PDE10A: variants seen among roughly 807,000 people sequenced by gnomAD.
PDE10A encodes phosphodiesterase 10A.
A neutral mutation model predicts 97.7 loss-of-function variants in PDE10A; 39 were observed. The ratio of observed to expected loss-of-function variants is 0.40; its 90% CI spans 0.31 to 0.52. PDE10A has a LOEUF of 0.52. PDE10A is among the 20% of genes least tolerant of loss of function. The pLI is 0.56. For synonymous variants in PDE10A, 371 were observed against 376.8 expected (o/e 0.98, Z 0.18); for missense variants, 731 against 1,047.8 (o/e 0.70, Z 4.17).
chr6:165,420,173 T>A (rs1788595737), intron 10 of PDE10A, among the ~76,000 whole-genome samples: 1 of 152,142 alleles, frequency 6.6e-6, no homozygotes, highest in African/African-American at 2.4e-5. Flanking sequence ...CCAGCGAAAT[T>A]TTGTGGTCCA....
chr6:165,795,179 C>G (rs187948253), intron 1 of PDE10A, among the ~76,000 whole-genome samples: 26 of 152,332 alleles, frequency 1.7e-4, no homozygotes, highest in Middle Eastern at 6.8e-3. Flanking sequence ...GAACAAGCAT[C>G]ACCTCTGGAG....
At chr6:165,880,503 G>A (rs1781444539) in intron 1 of PDE10A, among the ~76,000 whole-genome samples, 1 of 152,182 alleles carries the variant, frequency 6.6e-6, no homozygotes, top group South Asian at 2.1e-4. Flanking sequence ...TGGATGCAGA[G>A]AAGTGTCTTC....
chr6:165,940,798 GAA>G (rs934928380), intron 1 of PDE10A: 4 of 152,224 alleles, frequency 2.6e-5, no homozygotes, highest in African/African-American at 9.6e-5. Context: ...TTAGTTGTGG[GAA>G]ATGAACCAAT....
At chr6:165,732,830 G>C (rs533541517) in intron 1 of PDE10A, among the ~76,000 whole-genome samples, 1 of 152,316 alleles carries the variant, frequency 6.6e-6, no homozygotes, top group East Asian at 1.9e-4. Context: ...TCTCCCCAGG[G>C]CTTCTCAGCC....
chr6:165,393,184 C>A (rs1274400168), intron 15 of PDE10A, among the ~76,000 whole-genome samples: 1 of 152,058 alleles, frequency 6.6e-6, no homozygotes, highest in African/African-American at 2.4e-5. Flanking sequence ...GTATTTTGAG[C>A]TAATATTTTC....
chr6:165,390,041 T>A (rs1461887691), intron 16 of PDE10A, among the ~76,000 whole-genome samples: 2 of 152,198 alleles, frequency 1.3e-5, no homozygotes, highest in African/African-American at 4.8e-5. Context: ...TGACTCAATG[T>A]GTTAGTAACA....
intron 1 of PDE10A, among the ~76,000 whole-genome samples, chr6:165,581,716 T>G (rs185596731): frequency 1.1e-4 from 16 of 152,356 alleles, no homozygotes; most frequent in African/African-American, 3.8e-4. Context: ...ATTTGAGAAT[T>G]TTGCTTTGAT....
intron 1 of PDE10A, among the ~76,000 whole-genome samples, chr6:165,652,614 C>T (rs1278733874): frequency 6.6e-6 from 1 of 152,078 alleles, no homozygotes; most frequent in Non-Finnish European, 1.5e-5. Flanking sequence ...CTGTTTTTTC[C>T]CATTCTGCAC....
chr6:165,520,686 A>G (rs912986264), intron 2 of PDE10A, among the ~76,000 whole-genome samples: 1 of 152,168 alleles, frequency 6.6e-6, no homozygotes, highest in Non-Finnish European at 1.5e-5. Flanking sequence ...AATCACTTAA[A>G]ATGAGTCTGT....
intron 1 of PDE10A, among the ~76,000 whole-genome samples, chr6:165,713,264 T>C (rs995618716): frequency 3.9e-5 from 6 of 152,182 alleles, no homozygotes; most frequent in African/African-American, 1.2e-4. Context: ...GCACCTGCAG[T>C]GTGAATTTAC....
intron 5 of PDE10A, among the ~76,000 whole-genome samples, chr6:165,439,325 A>C (rs190846995): frequency 6.6e-6 from 1 of 152,194 alleles, no homozygotes; most frequent in Non-Finnish European, 1.5e-5. Flanking sequence ...ATATATAAAA[A>C]CTTTAATTAG....
chr6:165,762,163 T>C (rs1367179030), intron 1 of PDE10A, among the ~76,000 whole-genome samples: 2 of 152,214 alleles, frequency 1.3e-5, no homozygotes, highest in Non-Finnish European at 2.9e-5. Flanking sequence ...GCAATCTGCT[T>C]CCTATTGAAA....
chr6:165,618,240 AT>A (rs886732866), intron 1 of PDE10A, among the ~76,000 whole-genome samples: 22 of 152,132 alleles, frequency 1.4e-4, no homozygotes, highest in African/African-American at 5.1e-4. Flanking sequence ...TAGTAATGGG[AT>A]TTTTTTTCTT....
chr6:165,468,818 T>A (rs1485929549), intron 3 of PDE10A, among the ~76,000 whole-genome samples: 1 of 152,164 alleles, frequency 6.6e-6, no homozygotes, highest in Non-Finnish European at 1.5e-5. Context: ...TACTGGATTG[T>A]TATTATATTC....
rs115075048 is a variant in PDE10A, at chr6:165,487,420, A to G, written c.995-5077T>C. On this transcript the variant is annotated intron_variant, in intron 2 of 21. Coordinates refer to ENST00000539869, the MANE Select transcript of PDE10A (RefSeq NM_001385079.1). Reference sequence around the variant, plus strand: ...TCAGGGCTTCCACTAATTCTACATCATGGTGAGTTGTACCATTATTTCATT... The same window carrying G: ...TCAGGGCTTCCACTAATTCTACATCGTGGTGAGTTGTACCATTATTTCATT... Among the ~76,000 whole-genome samples, 449 of 152,340 alleles carry G rather than the reference A, an allele frequency of 2.9e-3. 3 individuals are homozygous for G. The highest frequency in any genetic ancestry group is 0.01 in the African/African-American group (429 of 41,578).
At chr6:165,713,649 A>C (rs991848227) in intron 1 of PDE10A, among the ~76,000 whole-genome samples, 1 of 152,174 alleles carries the variant, frequency 6.6e-6, no homozygotes, top group African/African-American at 2.4e-5. Flanking sequence ...TACCGCAAAC[A>C]CCGATGCTTT....
At chr6:165,469,997 C>T (rs1436925228) in intron 3 of PDE10A, among the ~76,000 whole-genome samples, 3 of 152,138 alleles carry the variant, frequency 2.0e-5, no homozygotes, top group Admixed American at 6.6e-5. Flanking sequence ...CACTTTAGCC[C>T]TGTGGTTTTC....
At chr6:165,690,300 T>C (rs1185794436) in intron 1 of PDE10A, among the ~76,000 whole-genome samples, 1 of 152,222 alleles carries the variant, frequency 6.6e-6, no homozygotes, top group Non-Finnish European at 1.5e-5. Context: ...GTCCTCTCCA[T>C]GGTTTTCTTT....
chr6:165,545,747 A>G (rs1344781150), intron 1 of PDE10A, among the ~76,000 whole-genome samples: 3 of 152,082 alleles, frequency 2.0e-5, no homozygotes, highest in Non-Finnish European at 2.9e-5. Context: ...TAAAATTAAA[A>G]AAAAACTGAC....
Sources: allele counts gnomAD v4.1 joint callset (sites outside exome capture counted in the v4.1 genomes callset), GRCh38; gene constraint gnomAD v4.1.1; transcripts MANE v1.5; gene names NCBI Gene and HGNC (gene_info 2026-07-23, HGNC 2026-07-21).